RORA: variants seen among roughly 807,000 people sequenced by gnomAD.
The protein encoded by RORA is nuclear receptor ROR-alpha.
In RORA, 7 loss-of-function variants were observed where a neutral mutation model predicts 69.5. The ratio of observed to expected loss-of-function variants is 0.10; its 90% CI spans 0.06 to 0.19. The LOEUF (loss-of-function observed/expected upper bound fraction) is 0.19, where lower values mean the gene tolerates loss of function less well. Among genes scored for constraint, RORA ranks in the 10% least tolerant of loss-of-function variants. The pLI, the probability that RORA is intolerant of heterozygous loss-of-function variation, is 1.00. For missense variants in RORA, 457 were observed against 663.0 expected, an observed-to-expected ratio of 0.69 and a Z score of 3.41; for synonymous variants, 261 against 240.8, an observed-to-expected ratio of 1.08 and a Z score of -0.78.
At chr15:61,214,605 G>A (rs1300395429) in intron 1 of RORA, among the ~76,000 whole-genome samples, 1 of 152,198 alleles carries the variant, frequency 6.6e-6, no homozygotes, top group Non-Finnish European at 1.5e-5. Flanking sequence ...CAAAAGCGGG[G>A]GCAGGTGAGA....
intron 2 of RORA, among the ~76,000 whole-genome samples, chr15:60,554,486 C>T (rs2067305729): frequency 6.6e-6 from 1 of 152,098 alleles, no homozygotes; most frequent in African/African-American, 2.4e-5. Context: ...ATAACCAAGG[C>T]ACCATTTAAA....
chr15:60,544,385 C>A (rs150102139), intron 2 of RORA, among the ~76,000 whole-genome samples: 1 of 150,610 alleles, frequency 6.6e-6, no homozygotes, highest in Non-Finnish European at 1.5e-5. Flanking sequence ...AAAGGAAATA[C>A]AATGAACTGT....
chr15:60,642,368 G>A (rs139569927), intron 2 of RORA, among the ~76,000 whole-genome samples: 26 of 152,300 alleles, frequency 1.7e-4, no homozygotes, highest in African/African-American at 5.5e-4. Context: ...ATTTGGAACC[G>A]GTGAGTAGAA....
intron 1 of RORA, among the ~76,000 whole-genome samples, chr15:60,770,270 A>G (rs1282936416): frequency 6.6e-6 from 1 of 151,990 alleles, no homozygotes. Context: ...GTCCAATGTA[A>G]TTTTCCTATT....
intron 1 of RORA, among the ~76,000 whole-genome samples, chr15:61,113,758 A>C (rs1423238088): frequency 6.6e-6 from 1 of 152,178 alleles, no homozygotes; most frequent in African/African-American, 2.4e-5. Context: ...GCTCAGAAGA[A>C]GGCACATTTG....
chr15:60,853,140 C>T (rs1035569824), intron 1 of RORA, among the ~76,000 whole-genome samples: 3 of 152,134 alleles, frequency 2.0e-5, no homozygotes, highest in East Asian at 1.9e-4. Flanking sequence ...ACACGGTACA[C>T]GCTTCCAATT....
intron 1 of RORA, among the ~76,000 whole-genome samples, chr15:60,872,168 T>G (rs1217067055): frequency 6.6e-6 from 1 of 152,206 alleles, no homozygotes; most frequent in Non-Finnish European, 1.5e-5. Flanking sequence ...GGCCCAGGTC[T>G]GTACATACTT....
intron 3 of RORA, among the ~76,000 whole-genome samples, chr15:60,516,044 TATTTATATATATTTA>T (rs1393203140): frequency 0.18 from 1,278 of 6,944 alleles, 153 homozygotes; most frequent in East Asian, 0.4. Flanking sequence ...TATATTTATA[TATTTATATATATTTA>T]TATATATTTA....
At chr15:60,715,305 C>T (rs1003052505) in intron 1 of RORA, among the ~76,000 whole-genome samples, 23 of 152,290 alleles carry the variant, frequency 1.5e-4, no homozygotes, top group Non-Finnish European at 1.6e-4. Flanking sequence ...GGTGGAAGTT[C>T]GAAACCACTG....
intron 5 of RORA, among the ~76,000 whole-genome samples, chr15:60,510,689 G>A (rs941599047): frequency 3.9e-5 from 6 of 152,182 alleles, no homozygotes; most frequent in Non-Finnish European, 8.8e-5. Flanking sequence ...GTTGGCTGTT[G>A]ACATTCACAA....
intron 1 of RORA, among the ~76,000 whole-genome samples, chr15:60,884,398 T>G (rs1298261784): frequency 6.6e-6 from 1 of 152,032 alleles, no homozygotes; most frequent in Non-Finnish European, 1.5e-5. Flanking sequence ...TCTGCCCCTT[T>G]GCTGGAATGA....
At chr15:61,182,989 C>T (rs12324086) in intron 1 of RORA, 89,628 of 152,112 alleles carry the variant, frequency 0.59, 26,881 homozygotes, top group East Asian at 0.69. Flanking sequence ...TCATCACAGG[C>T]TGGGGGAGAC....
chr15:61,064,705 C>G (rs892760538), intron 1 of RORA, among the ~76,000 whole-genome samples: 1 of 152,236 alleles, frequency 6.6e-6, no homozygotes, highest in African/African-American at 2.4e-5. Flanking sequence ...GTTGCAGGAC[C>G]AGCATTACAT....
At chr15:60,585,096 C>G (rs963140490) in intron 2 of RORA, among the ~76,000 whole-genome samples, 1 of 152,090 alleles carries the variant, frequency 6.6e-6, no homozygotes, top group African/African-American at 2.4e-5. Context: ...GCTTTGACTT[C>G]TTCAGCAATG....
intron 1 of RORA, among the ~76,000 whole-genome samples, chr15:61,012,015 A>T (rs923494528): frequency 3.3e-5 from 5 of 152,336 alleles, no homozygotes; most frequent in Middle Eastern, 3.4e-3. Flanking sequence ...CAATACAAAC[A>T]TCCCAGGGCT....
chr15:60,960,691 G>C (rs371523426), intron 1 of RORA, among the ~76,000 whole-genome samples: 6 of 146,148 alleles, frequency 4.1e-5, no homozygotes, highest in Non-Finnish European at 8.9e-5. Flanking sequence ...CCTACTGCAC[G>C]AAGTCCAAAT....
intron 2 of RORA, among the ~76,000 whole-genome samples, chr15:60,597,575 CACATATATATATATATATACACAT>C (rs2068707877): frequency 6.8e-5 from 2 of 29,502 alleles, no homozygotes; most frequent in African/African-American, 3.1e-4. Context: ...TATATATATA[CACATATATATATATATATACACAT>C]ATATATATAT....
chr15:61,201,229 T>C (rs891824906), intron 1 of RORA, among the ~76,000 whole-genome samples: 7 of 152,210 alleles, frequency 4.6e-5, no homozygotes, highest in African/African-American at 1.7e-4. Context: ...ATGCTGTGAA[T>C]GTCAAAGTCT....
chr15:60,625,228 G>T (rs985183101), intron 2 of RORA, among the ~76,000 whole-genome samples: 5 of 151,646 alleles, frequency 3.3e-5, no homozygotes, highest in African/African-American at 1.2e-4. Flanking sequence ...AACAACAACA[G>T]AAAAAAGGCT....
Sources: allele counts gnomAD v4.1 joint callset (sites outside exome capture counted in the v4.1 genomes callset), GRCh38; gene constraint gnomAD v4.1.1; transcripts MANE v1.5; gene names NCBI Gene and HGNC (gene_info 2026-07-23, HGNC 2026-07-21).